Variants in HCN1 observed in about 807,000 individuals in gnomAD.
The protein encoded by HCN1 is potassium/sodium hyperpolarization-activated cyclic nucleotide-gated channel 1.
A neutral mutation model predicts 78.9 loss-of-function variants in HCN1; 13 were observed. The ratio of observed to expected loss-of-function variants is 0.16; its 90% confidence interval spans 0.11 to 0.26. The LOEUF (loss-of-function observed/expected upper bound fraction) is 0.26. HCN1 is among the 10% of genes least tolerant of loss of function. The probability of loss-of-function intolerance (pLI) is 1.00; values close to 1 mark genes in which losing one functional copy is unlikely to be tolerated. For synonymous variants in HCN1, 552 were observed against 455.5 expected, an observed-to-expected ratio of 1.21 and a Z score of -2.70; for missense variants, 810 against 1,154.3, an observed-to-expected ratio of 0.70 and a Z score of 4.32.
Position 45,439,114 on chromosome 5 carries a change from T to C in HCN1, c.1011+22732A>G, listed in dbSNP as rs571958158. On this transcript the variant is annotated intron_variant, in intron 3 of 7. Coordinates refer to ENST00000303230, the MANE Select transcript of HCN1 (RefSeq NM_021072.4). ...GTATGCATTCTCACTCGTGATTATA[T>C]TTTTAATAAGCACTATTTCAATTTA... Among the ~76,000 whole-genome samples, 289 of 152,270 alleles carry C rather than the reference T, an allele frequency of 1.9e-3. 5 individuals are homozygous for C. The Middle Eastern group carries it at 0.028, about 15-fold the overall frequency.
chr5:45,385,919 C>T (rs1194002323), intron 4 of HCN1, among the ~76,000 whole-genome samples: 1 of 152,160 alleles, frequency 6.6e-6, no homozygotes, highest in Non-Finnish European at 1.5e-5. Flanking sequence ...CCAGGACCAG[C>T]TTAGCTCTAC....
intron 2 of HCN1, among the ~76,000 whole-genome samples, chr5:45,582,595 T>C (rs1159434203): frequency 1.3e-5 from 2 of 152,202 alleles, no homozygotes; most frequent in Non-Finnish European, 2.9e-5. Flanking sequence ...CCCTGTCTTG[T>C]GGCAGTTTTC....
intron 2 of HCN1, among the ~76,000 whole-genome samples, chr5:45,626,777 T>C (rs1936975970): frequency 6.6e-6 from 1 of 152,002 alleles, no homozygotes; most frequent in South Asian, 2.1e-4. Context: ...TTCAGGGCCC[T>C]GGTCAAGTTA....
At chr5:45,686,556 A>C (rs1561245136) in intron 1 of HCN1, among the ~76,000 whole-genome samples, 1 of 152,150 alleles carries the variant, frequency 6.6e-6, no homozygotes, top group Non-Finnish European at 1.5e-5. Context: ...ATTATGACCA[A>C]ATAACCATTA....
chr5:45,327,719 G>A (rs1047526224), intron 5 of HCN1, among the ~76,000 whole-genome samples: 4 of 151,480 alleles, frequency 2.6e-5, no homozygotes, highest in African/African-American at 9.7e-5. Flanking sequence ...TAACTAGGGT[G>A]GGCCATAATC....
At chr5:45,688,659 C>T (rs1739852246) in intron 1 of HCN1, among the ~76,000 whole-genome samples, 1 of 152,016 alleles carries the variant, frequency 6.6e-6, no homozygotes, top group Non-Finnish European at 1.5e-5. Context: ...ATGAAAACAT[C>T]TCTGTGCAAA....
intron 3 of HCN1, among the ~76,000 whole-genome samples, chr5:45,404,877 G>C (rs1381336986): frequency 6.6e-6 from 1 of 151,730 alleles, no homozygotes; most frequent in African/African-American, 2.4e-5. Context: ...TTTAATTTAG[G>C]GGGCCAAAAC....
intron 7 of HCN1, among the ~76,000 whole-genome samples, chr5:45,264,409 G>A (rs1744812830): frequency 6.6e-6 from 1 of 152,180 alleles, no homozygotes; most frequent in Non-Finnish European, 1.5e-5. Context: ...TAATCTCCAA[G>A]TGAATATGGT....
intron 2 of HCN1, among the ~76,000 whole-genome samples, chr5:45,636,176 A>G (rs1412962805): frequency 6.6e-6 from 1 of 152,088 alleles, no homozygotes; most frequent in Non-Finnish European, 1.5e-5. Context: ...ATTTGTAGAT[A>G]GGGGCACTAT....
At chr5:45,497,488 G>A (rs1437907892) in intron 2 of HCN1, among the ~76,000 whole-genome samples, 6 of 152,068 alleles carry the variant, frequency 3.9e-5, no homozygotes, top group Admixed American at 2.0e-4. Flanking sequence ...ATCTTTGTTG[G>A]TTTAAAGTCT....
intron 5 of HCN1, among the ~76,000 whole-genome samples, chr5:45,311,788 A>G (rs1745856080): frequency 6.6e-6 from 1 of 152,226 alleles, no homozygotes; most frequent in African/African-American, 2.4e-5. Context: ...AAAACTTCAG[A>G]CAGAGCAGTA....
chr5:45,296,047 G>C (rs1423193312), intron 6 of HCN1, among the ~76,000 whole-genome samples: 3 of 151,834 alleles, frequency 2.0e-5, no homozygotes, highest in Admixed American at 2.0e-4. Context: ...TGTGCTTCTG[G>C]TACCCTTGAG....
chr5:45,440,254 A>G (rs1010649620), intron 3 of HCN1, among the ~76,000 whole-genome samples: 1 of 152,048 alleles, frequency 6.6e-6, no homozygotes, highest in African/African-American at 2.4e-5. Flanking sequence ...CTTATATAGG[A>G]ACAAATTCAA....
intron 4 of HCN1, among the ~76,000 whole-genome samples, chr5:45,360,887 T>A (rs1747094614): frequency 6.6e-6 from 1 of 152,142 alleles, no homozygotes; most frequent in Non-Finnish European, 1.5e-5. Flanking sequence ...TTATATTTCC[T>A]TTTTTGGAAA....
intron 1 of HCN1, among the ~76,000 whole-genome samples, chr5:45,663,242 C>G (rs1429618579): frequency 9.9e-5 from 13 of 131,962 alleles, no homozygotes; most frequent in Admixed American, 6.4e-4. Context: ...GCTGGGAAAA[C>G]TGGCTAGCCA....
intron 2 of HCN1, among the ~76,000 whole-genome samples, chr5:45,474,550 G>A (rs1259399960): frequency 6.6e-6 from 1 of 151,736 alleles, no homozygotes; most frequent in East Asian, 1.9e-4. Context: ...GTATGATGAT[G>A]CCACCATCCT....
At chr5:45,365,640 G>A (rs1204626123) in intron 4 of HCN1, among the ~76,000 whole-genome samples, 1 of 151,866 alleles carries the variant, frequency 6.6e-6, no homozygotes, top group Non-Finnish European at 1.5e-5. Context: ...GAATAGGGCT[G>A]TGATAAATAT....
At chr5:45,557,325 G>C (rs956962004) in intron 2 of HCN1, among the ~76,000 whole-genome samples, 2 of 151,964 alleles carry the variant, frequency 1.3e-5, no homozygotes, top group Non-Finnish European at 2.9e-5. Context: ...ATTTTTAGTG[G>C]GAAACAACTG....
At chr5:45,406,016 A>G (rs1262408095) in intron 3 of HCN1, among the ~76,000 whole-genome samples, 1 of 152,038 alleles carries the variant, frequency 6.6e-6, no homozygotes, top group African/African-American at 2.4e-5. Flanking sequence ...GATATCACAG[A>G]TTTTTTCTTA....
Sources: gnomAD v4.1 joint callset for allele counts (sites outside exome capture counted in the v4.1 genomes callset) on GRCh38, gnomAD v4.1.1 for gene constraint, MANE v1.5 for transcripts, NCBI Gene and HGNC (gene_info 2026-07-23, HGNC 2026-07-21) for gene names.